The following PGM1 variants were observed in gnomAD, a reference collection of about 807,000 sequenced individuals.
PGM1 encodes the protein phosphoglucomutase-1.
In PGM1, 52 loss-of-function variants were observed where a neutral mutation model predicts 55.6. That is an observed-to-expected ratio of 0.94 (90% CI 0.75 to 1.18). The LOEUF (loss-of-function observed/expected upper bound fraction) is 1.18. Ranked by LOEUF, PGM1 falls within the 50% of genes most tolerant of loss-of-function variation. PGM1 has a pLI of 0.00. For synonymous variants in PGM1, 287 were observed against 271.7 expected, an observed-to-expected ratio of 1.06 and a Z score of -0.55; for missense variants, 724 against 729.3, an observed-to-expected ratio of 0.99 and a Z score of 0.08.
At chr1:63,612,852 G>A (rs1433548706) in intron 1 of PGM1, among the ~76,000 whole-genome samples, 1 of 152,176 alleles carries the variant, frequency 6.6e-6, no homozygotes, top group African/African-American at 2.4e-5. Context: ...TGTGATTAGG[G>A]GAGTAATTTT....
intron 1 of PGM1, among the ~76,000 whole-genome samples, chr1:63,604,959 G>GTGTGTGTGTGTT (rs58900430): frequency 0.14 from 19,157 of 133,948 alleles, 1,492 homozygotes; most frequent in Admixed American, 0.2. Flanking sequence ...GTGTGTGTGT[G>GTGTGTGTGTGTT]TAAAGAGAGG....
intron 7 of PGM1, among the ~76,000 whole-genome samples, chr1:63,643,722 C>G (rs1649580855): frequency 6.6e-6 from 1 of 152,208 alleles, no homozygotes; most frequent in African/African-American, 2.4e-5. Flanking sequence ...TGACTTTGGG[C>G]CAACCCCTGT....
intron 1 of PGM1, among the ~76,000 whole-genome samples, chr1:63,608,894 T>G (rs891738574): frequency 1.3e-5 from 2 of 152,192 alleles, no homozygotes; most frequent in African/African-American, 2.4e-5. Context: ...CCTTGAAAGA[T>G]TCTTGTGAGG....
intron 1 of PGM1, among the ~76,000 whole-genome samples, chr1:63,594,441 TC>T (rs1303538102): frequency 3.3e-5 from 5 of 151,966 alleles, no homozygotes; most frequent in Non-Finnish European, 7.4e-5. Context: ...CGGGATCTGT[TC>T]CACCGACGGG....
Position 63,651,658 on chromosome 1 carries a change from A to C in PGM1, c.1281-11A>C, listed in dbSNP as rs1649810104. 1 of 1,613,138 alleles carries C rather than the reference A, an allele frequency of 6.2e-7. No homozygotes were observed. Among genetic ancestry groups the C allele is most frequent in the Non-Finnish European group, 8.5e-7 (1 of 1,179,424 alleles). On this transcript the variant is annotated splice_polypyrimidine_tract_variant and intron_variant, in intron 8 of 10. Coordinates refer to ENST00000371084, the MANE Select transcript of PGM1 (RefSeq NM_002633.3). ...TCAGCCCGTGGGCCTCAACTTCGTG[A>C]CTTCTTCCAGGTATGATTACGAGGA...
At chr1:63,615,536 C>CTCT (rs1557706879) in intron 1 of PGM1, among the ~76,000 whole-genome samples, 14 of 140,370 alleles carry the variant, frequency 1.0e-4, no homozygotes, top group South Asian at 2.3e-4. Flanking sequence ...CATTTCTCTC[C>CTCT]TCTTCTTCTT....
intron 1 of PGM1, among the ~76,000 whole-genome samples, chr1:63,602,773 G>C (rs558151109): frequency 6.6e-6 from 1 of 152,152 alleles, no homozygotes. Flanking sequence ...GAAACTTCAT[G>C]GTGATCTCGT....
chr1:63,596,645 T>C (rs1217191692), intron 1 of PGM1, among the ~76,000 whole-genome samples: 1 of 152,192 alleles, frequency 6.6e-6, no homozygotes, highest in African/African-American at 2.4e-5. Flanking sequence ...CTCTTTCTCT[T>C]GTGATATGAT....
intron 4 of PGM1, among the ~76,000 whole-genome samples, chr1:63,633,932 A>T (rs28719673): frequency 0.026 from 918 of 35,182 alleles, 23 homozygotes; most frequent in African/African-American, 0.073. Context: ...ATATATATAT[A>T]TTTTTTTTTT....
intron 1 of PGM1, among the ~76,000 whole-genome samples, chr1:63,609,262 C>A (rs1429457272): frequency 3.3e-5 from 5 of 152,172 alleles, no homozygotes; most frequent in Non-Finnish European, 7.3e-5. Flanking sequence ...CAGGATGGAT[C>A]TGTGGAATGG....
intron 10 of PGM1, among the ~76,000 whole-genome samples, chr1:63,656,571 GGT>G (rs10629750): frequency 0.023 from 3,314 of 144,118 alleles, 39 homozygotes; most frequent in East Asian, 0.029. Flanking sequence ...AAGACATTGT[GGT>G]GTGTGTGTGT....
intron 3 of PGM1, among the ~76,000 whole-genome samples, 199 bp downstream of exon 3, chr1:63,630,287 G>A (rs888584985): frequency 6.6e-6 from 1 of 152,106 alleles, no homozygotes; most frequent in African/African-American, 2.4e-5. Flanking sequence ...CCCTGCCAGG[G>A]ATCAGCTGCA....
At chr1:63,647,236 C>A (rs1396379658) in intron 7 of PGM1, among the ~76,000 whole-genome samples, 6 of 130,338 alleles carry the variant, frequency 4.6e-5, no homozygotes, top group African/African-American at 1.4e-4. Flanking sequence ...GAGCGAAACT[C>A]CGTCTCAAAA....
At chr1:63,651,506 T>G in intron 8 of PGM1, 163 bp from the exon 9 acceptor site, 1 of 657,790 alleles carries the variant, frequency 1.5e-6, no homozygotes, top group Non-Finnish European at 2.7e-6. Context: ...CCTGGCCTGT[T>G]CCATCCCCAG....
At chr1:63,602,210 A>G (rs1359465255) in intron 1 of PGM1, among the ~76,000 whole-genome samples, 1 of 152,194 alleles carries the variant, frequency 6.6e-6, no homozygotes, top group African/African-American at 2.4e-5. Context: ...GGCTTGGGCA[A>G]TGTTAAGTAG....
intron 1 of PGM1, among the ~76,000 whole-genome samples, chr1:63,598,284 T>A (rs1017464689): frequency 3.9e-5 from 6 of 152,168 alleles, no homozygotes; most frequent in Non-Finnish European, 7.3e-5. Context: ...GGGCAGAGTA[T>A]TTTTATTTTT....
chr1:63,596,254 C>CTTTTTTTTTTTTTTT (rs531673796), intron 1 of PGM1, among the ~76,000 whole-genome samples: 9 of 111,330 alleles, frequency 8.1e-5, no homozygotes, highest in South Asian at 3.1e-4. Context: ...TTTTCTTCTT[C>CTTTTTTTTTTTTTTT]TTTTTTTTTT....
intron 3 of PGM1, among the ~76,000 whole-genome samples, chr1:63,630,994 A>G (rs1649178117): frequency 6.6e-6 from 1 of 152,218 alleles, no homozygotes. Context: ...AGATTCCAGT[A>G]GGGAGTTTCT....
chr1:63,607,099 C>A (rs554230577), intron 1 of PGM1, among the ~76,000 whole-genome samples: 237 of 152,276 alleles, frequency 1.6e-3, no homozygotes, highest in Admixed American at 3.1e-3. Flanking sequence ...TAAAAGAAAC[C>A]CCTTACATTA....
Sources: gnomAD v4.1 joint callset for allele counts (sites outside exome capture counted in the v4.1 genomes callset) on GRCh38, gnomAD v4.1.1 for gene constraint, MANE v1.5 for transcripts, NCBI Gene and HGNC (gene_info 2026-07-23, HGNC 2026-07-21) for gene names.